The following ANKS1B variants were observed in gnomAD, a reference collection of about 807,000 sequenced individuals.
The protein encoded by ANKS1B is ankyrin repeat and sterile alpha motif domain-containing protein 1B.
In ANKS1B, 36 loss-of-function variants were observed where a neutral mutation model predicts 148.3. That is an observed-to-expected ratio of 0.24 (90% CI 0.19 to 0.32). The LOEUF (loss-of-function observed/expected upper bound fraction) is 0.32. Among genes scored for constraint, ANKS1B ranks in the 10% least tolerant of loss-of-function variants. The probability of loss-of-function intolerance (pLI) is 1.00; values close to 1 mark genes in which losing one functional copy is unlikely to be tolerated. For missense variants in ANKS1B, 1,157 were observed against 1,542.6 expected, an observed-to-expected ratio of 0.75 and a Z score of 4.19; for synonymous variants, 542 against 560.8, an observed-to-expected ratio of 0.97 and a Z score of 0.47.
rs544089655 is a variant in ANKS1B at position 99,474,313 on chromosome 12, T to C, written c.1438+30163A>G. Among the ~76,000 whole-genome samples, 48 of 152,232 alleles carry C rather than the reference T, an allele frequency of 3.2e-4. 1 individual carries two copies. The highest frequency in any genetic ancestry group is 7.4e-5 in the Non-Finnish European group (5 of 67,968). On this transcript the variant is annotated intron_variant, in intron 10 of 26. Transcript: ENST00000683438. ...ATTAAGGTTTGATAAAACTATCTTA[T>C]CAAACCATTTTGCAATTCTATTCTG...
chr12:99,264,452 T>C (rs1199958634), intron 12 of ANKS1B, among the ~76,000 whole-genome samples: 1 of 152,186 alleles, frequency 6.6e-6, no homozygotes, highest in African/African-American at 2.4e-5. Context: ...GTTTTGAATT[T>C]GATATGAATA....
At chr12:99,025,443 G>A (rs1048985829) in intron 17 of ANKS1B, among the ~76,000 whole-genome samples, 13 of 152,154 alleles carry the variant, frequency 8.5e-5, no homozygotes, top group African/African-American at 3.1e-4. Flanking sequence ...AAAACGGATC[G>A]TCATGAATGA....
At chr12:99,404,980 C>T (rs574701381) in intron 11 of ANKS1B, among the ~76,000 whole-genome samples, 1 of 145,952 alleles carries the variant, frequency 6.9e-6, no homozygotes, top group South Asian at 2.1e-4. Context: ...ACTTTACATG[C>T]CAGGAAAGAG....
At chr12:99,015,648 G>C (rs2099942027) in intron 17 of ANKS1B, among the ~76,000 whole-genome samples, 1 of 152,064 alleles carries the variant, frequency 6.6e-6, no homozygotes, top group South Asian at 2.1e-4. Context: ...GGGCGGATCA[G>C]GAGGTCAGGC....
chr12:99,626,607 C>T (rs191381554), intron 9 of ANKS1B, among the ~76,000 whole-genome samples: 21 of 152,270 alleles, frequency 1.4e-4, no homozygotes, highest in African/African-American at 5.1e-4. Context: ...CATGACCACC[C>T]CAATCTTTTA....
intron 12 of ANKS1B, among the ~76,000 whole-genome samples, chr12:99,381,053 G>T (rs2093625540): frequency 6.6e-6 from 1 of 152,116 alleles, no homozygotes; most frequent in African/African-American, 2.4e-5. Flanking sequence ...AAATTATGCT[G>T]CCACAAGAGG....
At chr12:99,662,384 C>G (rs963315020) in intron 8 of ANKS1B, among the ~76,000 whole-genome samples, 1 of 152,076 alleles carries the variant, frequency 6.6e-6, no homozygotes, top group African/African-American at 2.4e-5. Context: ...TATCCTTAGT[C>G]CATAAAAGCT....
At chr12:99,285,940 G>A (rs544335863) in intron 12 of ANKS1B, among the ~76,000 whole-genome samples, 7 of 152,162 alleles carry the variant, frequency 4.6e-5, no homozygotes, top group Admixed American at 6.5e-5. Flanking sequence ...AAGCTAAAGC[G>A]CTCTGGAGTT....
In ANKS1B at chr12:98,745,769, A is replaced by G. The variant is rs993118507; in HGVS notation, c.3828T>C (p.Ile1276=). ...AAATCGTGGTTTCATACTTGGTATT[A>G]ATGCCCCTCTTGGCTTCTTGGCCCG... ...VEPGQEAKRG[I]NTKYETTIF Residue 1276 remains isoleucine (I), a synonymous_variant, in exon 27 of 27, where the codon ATT becomes ATC. Coordinates refer to ENST00000683438, the MANE Select transcript of ANKS1B (RefSeq NM_001352186.2). The G allele has an allele frequency of 1.2e-6, 2 of 1,613,660 alleles. No individual in the cohort carries two copies. Among genetic ancestry groups the G allele is most frequent in the African/African-American group, 1.3e-5 (1 of 74,894 alleles).
intron 25 of ANKS1B, among the ~76,000 whole-genome samples, chr12:98,760,131 G>C (rs529099552): frequency 5.9e-5 from 9 of 152,308 alleles, no homozygotes; most frequent in Admixed American, 2.0e-4. Flanking sequence ...TGCGTATTGA[G>C]ACTGGATGAT....
intron 1 of ANKS1B, among the ~76,000 whole-genome samples, chr12:99,940,750 T>C (rs2094899281): frequency 6.6e-6 from 1 of 152,028 alleles, no homozygotes; most frequent in African/African-American, 2.4e-5. Flanking sequence ...TATTCACACA[T>C]AATAATACAA....
At chr12:99,164,177 C>T (rs1258742009) in intron 14 of ANKS1B, among the ~76,000 whole-genome samples, 1 of 151,822 alleles carries the variant, frequency 6.6e-6, no homozygotes, top group Admixed American at 6.6e-5. Context: ...ATTTGTTGGA[C>T]TTTTTATCAA....
chr12:99,541,066 T>C (rs7964042), intron 9 of ANKS1B, among the ~76,000 whole-genome samples: 70,627 of 151,816 alleles, frequency 0.47, 16,995 homozygotes, highest in African/African-American at 0.58. Context: ...AAAACTGACT[T>C]AAGAAAAAAT....
chr12:99,100,779 C>T (rs2057722292), intron 15 of ANKS1B, among the ~76,000 whole-genome samples: 1 of 152,250 alleles, frequency 6.6e-6, no homozygotes, highest in Non-Finnish European at 1.5e-5. Context: ...ATCCACCCGC[C>T]TCAGACTCCT....
intron 12 of ANKS1B, among the ~76,000 whole-genome samples, chr12:99,266,000 T>C (rs960329168): frequency 3.3e-5 from 5 of 152,200 alleles, no homozygotes; most frequent in African/African-American, 1.2e-4. Context: ...CTAATACAGA[T>C]ATTTTTCTTC....
intron 10 of ANKS1B, among the ~76,000 whole-genome samples, chr12:99,461,225 A>G (rs150701465): frequency 0.011 from 1,614 of 152,228 alleles, 9 homozygotes; most frequent in Non-Finnish European, 0.016. Context: ...GAGCTATGCT[A>G]TGAGGATGCA....
chr12:99,855,160 C>T (rs1163491298), intron 1 of ANKS1B, among the ~76,000 whole-genome samples: 1 of 152,092 alleles, frequency 6.6e-6, no homozygotes, highest in Non-Finnish European at 1.5e-5. Flanking sequence ...TCAAGAGACT[C>T]ACCTGACACA....
intron 12 of ANKS1B, among the ~76,000 whole-genome samples, chr12:99,312,731 T>G (rs185188615): frequency 1.3e-5 from 2 of 152,190 alleles, no homozygotes; most frequent in Admixed American, 1.3e-4. Context: ...TAAGACCATC[T>G]TTCTCATCCG....
intron 14 of ANKS1B, among the ~76,000 whole-genome samples, chr12:99,197,940 G>C (rs1439404417): frequency 6.6e-6 from 1 of 152,090 alleles, no homozygotes; most frequent in African/African-American, 2.4e-5. Flanking sequence ...TCTATGTCAT[G>C]CTTTCTTGAT....
Sources: allele counts gnomAD v4.1 joint callset (sites outside exome capture counted in the v4.1 genomes callset), GRCh38; gene constraint gnomAD v4.1.1; transcripts MANE v1.5; gene names NCBI Gene and HGNC (gene_info 2026-07-23, HGNC 2026-07-21).